The following NAV2 variants were observed in gnomAD, a reference collection of about 807,000 sequenced individuals.
The protein encoded by NAV2 is neuron navigator 2.
NAV2 carries 54 observed loss-of-function variants against 223.2 expected under a neutral mutation model. The ratio of observed to expected loss-of-function variants is 0.24; its 90% confidence interval spans 0.19 to 0.30. The LOEUF is 0.30. NAV2 is among the 10% of genes least tolerant of loss of function. The pLI is 1.00. For synonymous variants in NAV2, 1,279 were observed against 1,239.3 expected (o/e 1.03, Z -0.67); for missense variants, 2,806 against 3,147.5 (o/e 0.89, Z 2.60).
chr11:19,964,541 G>A (rs2048599775), intron 10 of NAV2, among the ~76,000 whole-genome samples: 1 of 150,648 alleles, frequency 6.6e-6, no homozygotes, highest in Non-Finnish European at 1.5e-5. Context: ...TGTTGTGCAG[G>A]CTGGAGTGCA....
chr11:19,653,831 G>A (rs2048041287), intron 1 of NAV2, among the ~76,000 whole-genome samples: 1 of 152,268 alleles, frequency 6.6e-6, no homozygotes, highest in Non-Finnish European at 1.5e-5. Context: ...AGCTGGCAGA[G>A]TTGGACTTTG....
At chr11:19,811,341 G>A (rs945558477) in intron 1 of NAV2, among the ~76,000 whole-genome samples, 1 of 152,164 alleles carries the variant, frequency 6.6e-6, no homozygotes, top group Non-Finnish European at 1.5e-5. Context: ...CACCCATTTA[G>A]AGTGTCACCC....
At chr11:19,853,139 T>A (rs1284247049) in intron 3 of NAV2, among the ~76,000 whole-genome samples, 1 of 151,970 alleles carries the variant, frequency 6.6e-6, no homozygotes. Context: ...ATCCCCAGAG[T>A]TTCTGATTTG....
intron 11 of NAV2, among the ~76,000 whole-genome samples, chr11:20,002,813 TGTCAGGGGTCA>T (rs2052684903): frequency 6.6e-6 from 1 of 152,160 alleles, no homozygotes; most frequent in Non-Finnish European, 1.5e-5. Context: ...GAACTGTCTG[TGTCAGGGGTCA>T]GCCTTGTGTT....
intron 11 of NAV2, among the ~76,000 whole-genome samples, chr11:20,008,702 C>T (rs919613839): frequency 3.4e-4 from 52 of 150,966 alleles, no homozygotes; most frequent in Non-Finnish European, 5.7e-4. Flanking sequence ...TGTCTTTGAT[C>T]CACTTGGCAG....
chr11:20,056,015 T>G (rs2058342932), intron 19 of NAV2, 58 bp downstream of exon 19: 1 of 1,518,080 alleles, frequency 6.6e-7, no homozygotes, highest in Non-Finnish European at 8.9e-7. Context: ...GGTTACTCAG[T>G]GTAGTTAAGG....
intron 1 of NAV2, among the ~76,000 whole-genome samples, chr11:19,592,284 G>A (rs1258009037): frequency 6.6e-6 from 1 of 152,054 alleles, no homozygotes; most frequent in Non-Finnish European, 1.5e-5. Flanking sequence ...ACCGCTTAAT[G>A]ATCAGGTTCT....
At chr11:19,530,185 G>A (rs565760502) in intron 1 of NAV2, among the ~76,000 whole-genome samples, 2 of 152,284 alleles carry the variant, frequency 1.3e-5, no homozygotes, top group East Asian at 3.9e-4. Context: ...AAGAGGCGGT[G>A]TGGGGACTGC....
chr11:19,677,468 A>G (rs562865572), intron 1 of NAV2, among the ~76,000 whole-genome samples: 2 of 152,310 alleles, frequency 1.3e-5, no homozygotes, highest in South Asian at 4.1e-4. Context: ...GCATCCCCTC[A>G]TTTTACAGAG....
Position 19,933,612 on chromosome 11 carries a change from C to T in NAV2, c.1368C>T (p.Ser456=), listed in dbSNP as rs781122250. 3 of 1,613,950 alleles carry T rather than the reference C, an allele frequency of 1.9e-6. No individual in the cohort carries two copies. Among genetic ancestry groups the T allele is most frequent in the Non-Finnish European group, 2.5e-6 (3 of 1,179,930 alleles). The change falls in exon 7 of 38, where the codon TCC becomes TCT. Residue 456 remains serine (S), a synonymous_variant. Coordinates refer to ENST00000349880, the MANE Select transcript of NAV2 (RefSeq NM_145117.5). The surrounding 1 kb of genome is among the most constrained non-coding windows in gnomAD (Gnocchi z 4.3). The part of the protein sequence containing the change: ...SRMLTTVGPA[S]SSPKIALKGI... Reference sequence around the variant, plus strand: ...TGCTCACCACCGTGGGCCCTGCTTCCAGCAGCCCCAAGATTGCACTCAAGG... The same window carrying T: ...TGCTCACCACCGTGGGCCCTGCTTCTAGCAGCCCCAAGATTGCACTCAAGG...
In NAV2 at chr11:19,532,319, C is replaced by T. The variant is rs552700312; in HGVS notation, c.75+181292C>T. ...CCCAGAAAGGCCAAGCTTTTCAGCT[C>T]GCCTGGTTCACTGCTGGACTGTTTT... is the stretch of plus-strand genomic sequence containing the variant. On this transcript the variant is annotated intron_variant, in intron 1 of 37. Transcript: ENST00000360655. Among the ~76,000 whole-genome samples, 359 of 152,312 alleles carry T rather than the reference C, an allele frequency of 2.4e-3. 1 individual carries two copies. The highest frequency in any genetic ancestry group is 6.8e-3 in the Middle Eastern group (2 of 294).
At chr11:19,649,908 A>C (rs2047920764) in intron 1 of NAV2, among the ~76,000 whole-genome samples, 1 of 152,220 alleles carries the variant, frequency 6.6e-6, no homozygotes, top group African/African-American at 2.4e-5. Context: ...CTCCCATTTG[A>C]ATGCCAAAAC....
At chr11:19,689,128 G>A (rs1446359253) in intron 1 of NAV2, among the ~76,000 whole-genome samples, 1 of 152,116 alleles carries the variant, frequency 6.6e-6, no homozygotes, top group African/African-American at 2.4e-5. Flanking sequence ...TTCCATTCTT[G>A]GCTGCCCTGG....
At chr11:19,686,993 C>A (rs1483921446) in intron 1 of NAV2, among the ~76,000 whole-genome samples, 1 of 152,212 alleles carries the variant, frequency 6.6e-6, no homozygotes, top group Admixed American at 6.5e-5. Flanking sequence ...GTTTATATAA[C>A]TTTCCCAAGG....
chr11:19,689,924 A>G (rs758042644), intron 1 of NAV2, among the ~76,000 whole-genome samples: 6 of 152,218 alleles, frequency 3.9e-5, no homozygotes, highest in Admixed American at 2.0e-4. Flanking sequence ...GAAAGAACCT[A>G]GAGTTTGGCC....
chr11:19,446,091 CT>C (rs1851572368), intron 1 of NAV2, among the ~76,000 whole-genome samples: 1 of 152,122 alleles, frequency 6.6e-6, no homozygotes, highest in Non-Finnish European at 1.5e-5. Context: ...TCTTAGTTTG[CT>C]CAGTCTCATC....
chr11:19,377,480 C>A (rs1488053707), intron 1 of NAV2, among the ~76,000 whole-genome samples: 1 of 152,172 alleles, frequency 6.6e-6, no homozygotes, highest in African/African-American at 2.4e-5. Context: ...TGTTTATCCC[C>A]CTCGCTGTGT....
intron 1 of NAV2, among the ~76,000 whole-genome samples, chr11:19,538,777 A>G (rs61446304): frequency 1.3e-5 from 2 of 151,890 alleles, no homozygotes; most frequent in African/African-American, 4.8e-5. Context: ...GTGGATTCAC[A>G]TACTATTGTA....
chr11:19,684,782 C>T (rs118013136), intron 1 of NAV2, among the ~76,000 whole-genome samples: 4 of 152,310 alleles, frequency 2.6e-5, no homozygotes, highest in Non-Finnish European at 5.9e-5. Flanking sequence ...TATGGGAATA[C>T]CCATTCTCTT....
Sources: allele counts gnomAD v4.1 joint callset (sites outside exome capture counted in the v4.1 genomes callset), GRCh38; gene constraint gnomAD v4.1.1; non-coding constraint Gnocchi (gnomAD v3.1); transcripts MANE v1.5; gene names NCBI Gene and HGNC (gene_info 2026-07-23, HGNC 2026-07-21).